MTCL2: variants seen among roughly 807,000 people sequenced by gnomAD.
MTCL2 encodes microtubule crosslinking factor 2, also known as microtubule cross-linking factor 2.
the MTCL2 span, chr20:36,814,976 G>A: frequency 1.4e-6 from 1 of 697,116 alleles, no homozygotes; most frequent in Non-Finnish European, 2.3e-6. Context: ...GGGGGAGAAT[G>A]GCTAGAGCCC....
the MTCL2 span, among the ~76,000 whole-genome samples, chr20:36,821,713 G>A: frequency 6.6e-6 from 1 of 152,088 alleles, no homozygotes; most frequent in South Asian, 2.1e-4. Context: ...GCCAGACCTT[G>A]TCTCCAAAAA....
the MTCL2 span, among the ~76,000 whole-genome samples, chr20:36,862,282 C>G: frequency 6.6e-6 from 1 of 152,220 alleles, no homozygotes; most frequent in African/African-American, 2.4e-5. Flanking sequence ...GTCTATCAAT[C>G]CCGTCCCAAG....
chr20:36,836,153 T>G, the MTCL2 span, among the ~76,000 whole-genome samples: 2 of 148,446 alleles, frequency 1.3e-5, no homozygotes, highest in African/African-American at 5.0e-5. Flanking sequence ...GAGGTACGCT[T>G]TGAACTTGGA....
the MTCL2 span, chr20:36,803,204 A>G: frequency 1.4e-6 from 2 of 1,470,648 alleles, no homozygotes; most frequent in South Asian, 2.7e-5. Flanking sequence ...GGAAAAGGGG[A>G]GAGGTCCCCT....
At chr20:36,850,852 G>A in the MTCL2 span, among the ~76,000 whole-genome samples, 3,613 of 152,318 alleles carry the variant, frequency 0.024, 57 homozygotes, top group Non-Finnish European at 0.038. Flanking sequence ...ACTGTGGTAC[G>A]TCCACGCAAT....
the MTCL2 span, among the ~76,000 whole-genome samples, chr20:36,820,202 T>C: frequency 0.016 from 2,473 of 152,222 alleles, 27 homozygotes; most frequent in African/African-American, 0.026. Context: ...TGAAATTCCA[T>C]TTTCTCATTT....
the MTCL2 span, among the ~76,000 whole-genome samples, chr20:36,858,523 C>T: frequency 3.5e-5 from 5 of 143,364 alleles, no homozygotes; most frequent in Non-Finnish European, 4.5e-5. Context: ...CACACACACA[C>T]GGCAGGGAAG....
chr20:36,834,432 T>C, the MTCL2 span, among the ~76,000 whole-genome samples: 1 of 152,138 alleles, frequency 6.6e-6, no homozygotes, highest in South Asian at 2.1e-4. Context: ...CAGGAGTCAC[T>C]TTAGACCAGA....
chr20:36,808,021 AC>A, the MTCL2 span, among the ~76,000 whole-genome samples: 29 of 148,162 alleles, frequency 2.0e-4, no homozygotes, highest in African/African-American at 6.4e-4. Context: ...GACTACAGGC[AC>A]CCGCCACCAC....
At chr20:36,814,523 T>C in the MTCL2 span, among the ~76,000 whole-genome samples, 2,320 of 152,148 alleles carry the variant, frequency 0.015, 30 homozygotes, top group Non-Finnish European at 0.025. Context: ...CTGAGGCTGG[T>C]GGATCACTTA....
chr20:36,780,029 T>C, the MTCL2 span: 1 of 152,044 alleles, frequency 6.6e-6, no homozygotes, highest in South Asian at 2.1e-4. Context: ...AAACCAAGAT[T>C]ACAGAAAGTC....
At chr20:36,794,753 A>G in the MTCL2 span, 2 of 905,440 alleles carry the variant, frequency 2.2e-6, no homozygotes, top group Non-Finnish European at 3.4e-6. This position sits in a 1 kb window ranked among gnomAD's most constrained non-coding sequence, Gnocchi z 5.4. Context: ...CCAGTCCCAC[A>G]TTCTGTCTGC....
chr20:36,793,551 G>A, the MTCL2 span: 3 of 1,551,574 alleles, frequency 1.9e-6, no homozygotes, highest in South Asian at 2.4e-5. The surrounding 1 kb of genome is among the most constrained non-coding windows in gnomAD (Gnocchi z 6.8). Context: ...GACATGCCTA[G>A]TTTCCAGACA....
At chr20:36,831,553 C>T in the MTCL2 span, among the ~76,000 whole-genome samples, 25 of 152,318 alleles carry the variant, frequency 1.6e-4, no homozygotes, top group African/African-American at 4.3e-4. Context: ...CAGCTCGGCA[C>T]GGACCCCTTG....
the MTCL2 span, among the ~76,000 whole-genome samples, chr20:36,861,683 G>A: frequency 2.5e-4 from 38 of 152,296 alleles, no homozygotes; most frequent in African/African-American, 8.7e-4. Context: ...CTCCAAAACC[G>A]TGCCCAGCCA....
At chr20:36,842,881 G>C in the MTCL2 span, among the ~76,000 whole-genome samples, 121 of 152,350 alleles carry the variant, frequency 7.9e-4, no homozygotes, top group Non-Finnish European at 1.3e-3. Flanking sequence ...AAGCAGGGGT[G>C]GGGGGTCCAA....
the MTCL2 span, among the ~76,000 whole-genome samples, chr20:36,837,545 CACATTATTATTA>C: frequency 1.7e-5 from 2 of 119,924 alleles, no homozygotes; most frequent in African/African-American, 6.3e-5. Context: ...GCATTTTACC[CACATTATTATTA>C]TTATTATTAT....
chr20:36,816,244 T>G, the MTCL2 span: 2 of 1,611,992 alleles, frequency 1.2e-6, no homozygotes, highest in East Asian at 4.5e-5. Context: ...GTGAGCTTCT[T>G]GCACATGAGG....
At chr20:36,815,491 C>A in the MTCL2 span, 1 of 1,589,794 alleles carries the variant, frequency 6.3e-7, no homozygotes, top group East Asian at 2.3e-5. This position sits in a 1 kb window ranked among gnomAD's most constrained non-coding sequence, Gnocchi z 5.3. Context: ...GGCAGCACCT[C>A]GGCCTCCCTG....
Sources: gnomAD v4.1 joint callset for allele counts (sites outside exome capture counted in the v4.1 genomes callset) on GRCh38, gnomAD v4.1.1 for gene constraint, Gnocchi (gnomAD v3.1) non-coding constraint, MANE v1.5 for transcripts, NCBI Gene and HGNC (gene_info 2026-07-23, HGNC 2026-07-21) for gene names.